Variants in CD109 observed in about 807,000 individuals in gnomAD.
The protein encoded by CD109 is CD109 molecule.
A neutral mutation model predicts 165.8 loss-of-function variants in CD109; 149 were observed. The observed-to-expected ratio is 0.90, with a 90% confidence interval of 0.79 to 1.03. The LOEUF (loss-of-function observed/expected upper bound fraction) is 1.03, where lower values mean the gene tolerates loss of function less well. Among genes scored for constraint, CD109 ranks in the 50% least tolerant of loss-of-function variants. The pLI, the probability that CD109 is intolerant of heterozygous loss-of-function variation, is 0.00. For missense variants in CD109, 1,712 were observed against 1,677.8 expected (o/e 1.02, Z -0.36); for synonymous variants, 585 against 592.1 (o/e 0.99, Z 0.18).
In CD109 at chr6:73,818,497, G is replaced by A. The variant is rs1342485772; in HGVS notation, c.4021G>A (p.Glu1341Lys). 1 of 1,613,126 alleles carries A rather than the reference G, an allele frequency of 6.2e-7. No individual in the cohort carries two copies. Among genetic ancestry groups the A allele is most frequent in the East Asian group, 2.2e-5 (1 of 44,858 alleles). Reference protein sequence around the residue: ...ISLSETVKKVEYDHGKLNLYL... With the variant: ...ISLSETVKKVKYDHGKLNLYL... ...TCTGAGCGAGACAGTGAAGAAAGTGGAATATGATCATGGAAAACTCAACCT... is the reference window on the plus strand; with the variant it reads ...TCTGAGCGAGACAGTGAAGAAAGTGAAATATGATCATGGAAAACTCAACCT... Residue 1341 changes from glutamate (E) to lysine (K), a missense_variant, in exon 31 of 33, where the codon GAA becomes AAA. Physicochemically the swap from Glu to Lys is moderately conservative, Grantham distance 56. Coordinates refer to ENST00000287097, the MANE Select transcript of CD109 (RefSeq NM_133493.5).
At chr6:73,754,125 G>A (rs1773295832) in intron 5 of CD109, among the ~76,000 whole-genome samples, 1 of 152,186 alleles carries the variant, frequency 6.6e-6, no homozygotes, top group Non-Finnish European at 1.5e-5. Flanking sequence ...TTTGAAAGAG[G>A]CTAAATCCAG....
chr6:73,756,025 AC>A (rs1460569582), intron 5 of CD109, among the ~76,000 whole-genome samples: 1 of 152,134 alleles, frequency 6.6e-6, no homozygotes, highest in Non-Finnish European at 1.5e-5. Flanking sequence ...GATAAATGAT[AC>A]GATAATAGCC....
intron 6 of CD109, among the ~76,000 whole-genome samples, chr6:73,757,249 G>C (rs1273878040): frequency 6.6e-6 from 1 of 152,052 alleles, no homozygotes; most frequent in Non-Finnish European, 1.5e-5. Context: ...TTTGATTTGA[G>C]CTTCTTTTTT....
intron 2 of CD109, among the ~76,000 whole-genome samples, chr6:73,716,498 T>A (rs1189210767): frequency 2.0e-5 from 3 of 152,228 alleles, no homozygotes; most frequent in Admixed American, 6.5e-5. Flanking sequence ...GATATCTCAT[T>A]GTAGTTTTGA....
intron 15 of CD109, among the ~76,000 whole-genome samples, chr6:73,774,383 C>T (rs1005302436): frequency 6.6e-6 from 1 of 152,162 alleles, no homozygotes; most frequent in African/African-American, 2.4e-5. Context: ...ACTCTTGATC[C>T]TTTCTGCTGC....
the CD109 span, among the ~76,000 whole-genome samples, chr6:73,690,728 G>A: frequency 6.6e-6 from 1 of 152,134 alleles, no homozygotes; most frequent in Non-Finnish European, 1.5e-5. Flanking sequence ...ATTTAAAAAA[G>A]GTTTGTAAAA....
chr6:73,766,523 A>G (rs1450257497), intron 11 of CD109, among the ~76,000 whole-genome samples: 1 of 108,598 alleles, frequency 9.2e-6, no homozygotes, highest in East Asian at 2.5e-4. Flanking sequence ...ATGTATATGT[A>G]TATGTGTGTG....
intron 5 of CD109, among the ~76,000 whole-genome samples, chr6:73,739,913 G>T (rs1277992110): frequency 6.6e-6 from 1 of 152,154 alleles, no homozygotes; most frequent in Admixed American, 6.5e-5. Context: ...CTGTCACTCA[G>T]GCTAGAGTGA....
chr6:73,740,229 A>G (rs1010129734), intron 5 of CD109, among the ~76,000 whole-genome samples: 1 of 152,178 alleles, frequency 6.6e-6, no homozygotes, highest in African/African-American at 2.4e-5. Context: ...ATATGGAATG[A>G]TATGAGTATT....
At chr6:73,818,585 A>G in intron 31 of CD109, 50 bp downstream of exon 31, 1 of 1,523,444 alleles carries the variant, frequency 6.6e-7, no homozygotes, top group Non-Finnish European at 9.0e-7. Flanking sequence ...TGTGTTTTGT[A>G]TTCAGGTGTC....
intron 2 of CD109, among the ~76,000 whole-genome samples, chr6:73,704,530 A>G (rs1281682224): frequency 4.6e-5 from 7 of 152,170 alleles, no homozygotes; most frequent in African/African-American, 1.7e-4. Context: ...CAAGTTAAAC[A>G]TGTGCTGCTC....
intron 23 of CD109, among the ~76,000 whole-genome samples, chr6:73,801,035 A>G (rs572064304): frequency 1.3e-4 from 20 of 152,312 alleles, no homozygotes; most frequent in Non-Finnish European, 2.9e-5. Flanking sequence ...CTTCCTCTAC[A>G]CCTATATTAG....
intron 22 of CD109, among the ~76,000 whole-genome samples, chr6:73,791,559 C>G (rs534666953): frequency 1.3e-5 from 2 of 150,004 alleles, no homozygotes; most frequent in Non-Finnish European, 2.9e-5. Flanking sequence ...TTCTGTCTGT[C>G]GTCATGGAAA....
intron 15 of CD109, among the ~76,000 whole-genome samples, chr6:73,779,108 T>C (rs1449826341): frequency 6.6e-6 from 1 of 152,150 alleles, no homozygotes; most frequent in African/African-American, 2.4e-5. Context: ...CTTGGGAACC[T>C]CTAGTCTACT....
rs1775699756 is a variant in CD109, at chr6:73,810,087, C to A, written c.3459C>A (p.Phe1153Leu). 6.2e-7 allele frequency: 1 copy of A among 1,610,434 alleles called. No individual in the cohort carries two copies. ...CAGCCTATGCACTGCTCTCACACTT[C>A]TTACAATTTCAGACTTCTGAGGGAA... Reference protein sequence around the residue: ...EVAAYALLSHFLQFQTSEGIP... With the variant: ...EVAAYALLSHLLQFQTSEGIP... Residue 1153 changes from phenylalanine (F) to leucine (L), a missense_variant, in exon 27 of 33, where the codon TTC becomes TTA. Phe to Leu is a conservative substitution (Grantham distance 22, BLOSUM62 0). Coordinates refer to ENST00000287097, the MANE Select transcript of CD109 (RefSeq NM_133493.5).
chr6:73,763,700 T>A lies in CD109; in HGVS notation c.1107+15T>A. ...TCACAGCCACTGTAAGTTGGTATAT[T>A]TATTTCCAGTCCATAGCAGTAAGTT... On this transcript the variant is annotated intron_variant, in intron 10 of 32. Transcript: ENST00000287097. The A allele has an allele frequency of 7.7e-7, 1 of 1,302,264 alleles. No individual in the cohort carries two copies. Among genetic ancestry groups the A allele is most frequent in the Non-Finnish European group, 1.1e-6 (1 of 912,200 alleles). The allele number at this position is 1,302,264 out of a possible 1,614,324, so 80.7% of individuals were successfully genotyped here. A position where few individuals can be genotyped will look rare whatever the true frequency, so the allele number is the denominator to read the frequency against.
intron 2 of CD109, among the ~76,000 whole-genome samples, chr6:73,721,249 A>G (rs1027141519): frequency 6.6e-6 from 1 of 152,174 alleles, no homozygotes; most frequent in African/African-American, 2.4e-5. Flanking sequence ...CTGAAAACAT[A>G]CTTGTATTTC....
chr6:73,684,406 A>C, the CD109 span, among the ~76,000 whole-genome samples: 2 of 151,074 alleles, frequency 1.3e-5, no homozygotes, highest in African/African-American at 4.9e-5. Context: ...TTTTTTGGGG[A>C]GATGAGGTTT....
intron 4 of CD109, among the ~76,000 whole-genome samples, 198 bp downstream of exon 4, chr6:73,730,772 G>A (rs1772339112): frequency 6.6e-6 from 1 of 152,122 alleles, no homozygotes; most frequent in Non-Finnish European, 1.5e-5. Context: ...GAGTCAACCT[G>A]CTTGAGTTCC....
Sources: gnomAD v4.1 joint callset for allele counts (sites outside exome capture counted in the v4.1 genomes callset) on GRCh38, gnomAD v4.1.1 for gene constraint, MANE v1.5 for transcripts, NCBI Gene and HGNC (gene_info 2026-07-23, HGNC 2026-07-21) for gene names.